ZNF343: variants seen among roughly 807,000 people sequenced by gnomAD.
ZNF343 encodes zinc finger protein 343.
ZNF343 carries 11 observed loss-of-function variants against 13.8 expected under a neutral mutation model. That is an observed-to-expected ratio of 0.80 (90% CI 0.50 to 1.32). ZNF343 has a LOEUF of 1.32. Among genes scored for constraint, ZNF343 ranks in the 40% most tolerant of loss-of-function variants. The probability of loss-of-function intolerance (pLI) is 0.00; values close to 1 mark genes in which losing one functional copy is unlikely to be tolerated. For synonymous variants in ZNF343, 248 were observed against 260.0 expected (o/e 0.95, Z 0.44); for missense variants, 658 against 714.2 (o/e 0.92, Z 0.90).
intron 1 of ZNF343, among the ~76,000 whole-genome samples, chr20:2,501,558 C>A (rs1284740648): frequency 1.3e-5 from 2 of 152,144 alleles, no homozygotes; most frequent in Non-Finnish European, 1.5e-5. Flanking sequence ...TGGGAGGCAC[C>A]CCCCAGTAGG....
intron 1 of ZNF343, among the ~76,000 whole-genome samples, chr20:2,514,114 TAGAA>T (rs1240514332): frequency 6.6e-6 from 1 of 152,016 alleles, no homozygotes; most frequent in African/African-American, 2.4e-5. Context: ...AGAAAATAAA[TAGAA>T]AAAGAACAAC....
At chr20:2,507,220 C>T (rs1251868058) in intron 1 of ZNF343, among the ~76,000 whole-genome samples, 43 of 149,214 alleles carry the variant, frequency 2.9e-4, no homozygotes, top group East Asian at 1.6e-3. Flanking sequence ...GCCGAGATCG[C>T]GCCACTGCAC....
Position 2,483,182 on chromosome 20 carries a change from G to A in ZNF343, c.1779C>T (p.Ile593=), listed in dbSNP as rs1164434581. Residue 593 remains isoleucine, a synonymous_variant, in exon 6 of 6, where the codon ATC becomes ATT. Transcript: ENST00000278772. ...CCCGTCAGTGTGTCCTCTGGTGTCTGATGAGATTTGACTTATGACTAAAGC... is the reference window on the plus strand; with the variant it reads ...CCCGTCAGTGTGTCCTCTGGTGTCTAATGAGATTTGACTTATGACTAAAGC... ...GRGFSHKSNL[I]RHQRTH is the part of the protein sequence containing the mutation. 1.9e-6 allele frequency: 3 copies of A among 1,610,334 alleles called. No homozygotes were observed. The highest frequency in any genetic ancestry group is 1.3e-5 in the African/African-American group (1 of 74,838).
intron 1 of ZNF343, among the ~76,000 whole-genome samples, chr20:2,501,128 A>G (rs1600066999): frequency 6.6e-6 from 1 of 152,102 alleles, no homozygotes; most frequent in Non-Finnish European, 1.5e-5. Context: ...CGCTTTTCCA[A>G]TGGTCTTAGC....
rs777765404 is a variant in ZNF343, at chr20:2,483,313, C to G, written c.1648G>C (p.Val550Leu). The G allele has an allele frequency of 6.2e-7, 1 of 1,610,782 alleles. No individual in the cohort carries two copies. Among genetic ancestry groups the G allele is most frequent in the South Asian group, 1.1e-5 (1 of 90,778 alleles). The stretch of plus-strand genomic sequence containing the variant: ...AAGCCTCGGCCACACTCACTGCACA[C>G]GTAAGGCTTCTCTCCTGAGTGTGTC... ...ERTHSGEKPYVCSECGRGFSR... is the reference protein window; with the variant it reads ...ERTHSGEKPYLCSECGRGFSR... The change falls in exon 6 of 6, where the codon GTG becomes CTG. Residue 550 changes from valine to leucine, a missense_variant. Coordinates refer to ENST00000278772, the MANE Select transcript of ZNF343 (RefSeq NM_024325.6).
At chr20:2,500,485 T>C (rs929755819) in intron 2 of ZNF343, among the ~76,000 whole-genome samples, 171 bp downstream of exon 2, 3 of 152,234 alleles carry the variant, frequency 2.0e-5, no homozygotes, top group Non-Finnish European at 4.4e-5. Context: ...TAATATTCCC[T>C]GTGGAGATCC....
At chr20:2,510,949 G>A (rs892620775), upstream of ZNF343, among the ~76,000 whole-genome samples, 8 of 152,116 alleles carry the variant, frequency 5.3e-5, no homozygotes, top group Non-Finnish European at 1.2e-4. Flanking sequence ...GACTGATGAG[G>A]AGTGTGGGTT....
At chr20:2,513,386 T>C (rs2085746500), upstream of ZNF343, among the ~76,000 whole-genome samples, 1 of 152,118 alleles carries the variant, frequency 6.6e-6, no homozygotes, top group Non-Finnish European at 1.5e-5. Context: ...TCACTAATAA[T>C]TAGAGAAACA....
At chr20:2,520,265 C>A (rs1215437955) in intron 1 of ZNF343, among the ~76,000 whole-genome samples, 1 of 152,106 alleles carries the variant, frequency 6.6e-6, no homozygotes, top group Non-Finnish European at 1.5e-5. Context: ...GTTTATATAT[C>A]ATTTATTAAA....
At chr20:2,519,907 C>T (rs1183143100) in intron 1 of ZNF343, among the ~76,000 whole-genome samples, 1 of 151,962 alleles carries the variant, frequency 6.6e-6, no homozygotes, top group East Asian at 1.9e-4. Flanking sequence ...TTGTAAGTCA[C>T]AAAAAAATAA....
chr20:2,524,000 C>A lies in ZNF343; in HGVS notation c.-347+455G>T, dbSNP rs562537719. Among the ~76,000 whole-genome samples the A allele has an allele frequency of 6.7e-3, 891 of 132,394 alleles. 12 individuals carry two copies. Among genetic ancestry groups the A allele is most frequent in the Non-Finnish European group, 9.9e-3 (617 of 62,016 alleles). The allele number at this position is 132,394 out of a possible 152,430, so 86.9% of individuals were successfully genotyped here. A position where few individuals can be genotyped will look rare whatever the true frequency, so the allele number is the denominator to read the frequency against. Reference sequence around the variant, plus strand: ...GTCTCAAAAAAAAAAAAAAAAAAATCGAAGTGTGATTCTGAGCCTCTTTGA... The same window carrying A: ...GTCTCAAAAAAAAAAAAAAAAAAATAGAAGTGTGATTCTGAGCCTCTTTGA... On this transcript the variant is annotated intron_variant, in intron 1 of 6. Coordinates refer to the ZNF343 transcript ENST00000358413.
chr20:2,507,253 A>C (rs2085675951), intron 1 of ZNF343, among the ~76,000 whole-genome samples: 1 of 150,236 alleles, frequency 6.7e-6, no homozygotes, highest in African/African-American at 2.5e-5. Flanking sequence ...AACAAGAGTG[A>C]AACTGTGTCT....
chr20:2,521,824 T>C (rs1342560312), intron 1 of ZNF343, among the ~76,000 whole-genome samples: 4 of 152,198 alleles, frequency 2.6e-5, no homozygotes, highest in African/African-American at 9.6e-5. Flanking sequence ...AGCTGGGACA[T>C]AGACGTGGGT....
At chr20:2,509,108 G>A (rs561455527), upstream of ZNF343, 1 of 152,236 alleles carries the variant, frequency 6.6e-6, no homozygotes, top group Admixed American at 6.5e-5. Context: ...TGTCCCCTTG[G>A]CCCATTCTGC....
intron 5 of ZNF343, among the ~76,000 whole-genome samples, chr20:2,486,098 T>C (rs1485252852): frequency 6.6e-6 from 1 of 152,354 alleles, no homozygotes; most frequent in East Asian, 1.9e-4. Context: ...TCTAGAAGCA[T>C]ACCAAGTCAT....
chr20:2,485,230 T>C (rs1306542305), intron 5 of ZNF343, among the ~76,000 whole-genome samples: 4 of 152,200 alleles, frequency 2.6e-5, no homozygotes, highest in Non-Finnish European at 5.9e-5. Context: ...GTATTATGAA[T>C]TCAGTAATGA....
chr20:2,519,286 A>G (rs1455985503), intron 1 of ZNF343, among the ~76,000 whole-genome samples: 2 of 151,940 alleles, frequency 1.3e-5, no homozygotes, highest in African/African-American at 2.4e-5. Flanking sequence ...TGACACTGAC[A>G]CCCTAATCCT....
chr20:2,513,968 G>C (rs1157158008), intron 1 of ZNF343, among the ~76,000 whole-genome samples: 1 of 152,230 alleles, frequency 6.6e-6, no homozygotes, highest in Non-Finnish European at 1.5e-5. Flanking sequence ...GCAGGGTCTA[G>C]TGGAAAGGTG....
intron 1 of ZNF343, among the ~76,000 whole-genome samples, chr20:2,519,601 T>C (rs2085774162): frequency 6.6e-6 from 1 of 152,204 alleles, no homozygotes; most frequent in African/African-American, 2.4e-5. Flanking sequence ...CATGTGTGTG[T>C]ATACGCATAT....
Sources: gnomAD v4.1 joint callset for allele counts (sites outside exome capture counted in the v4.1 genomes callset) on GRCh38, gnomAD v4.1.1 for gene constraint, MANE v1.5 for transcripts, NCBI Gene and HGNC (gene_info 2026-07-23, HGNC 2026-07-21) for gene names.